UGT1A10: variants seen among roughly 807,000 people sequenced by gnomAD.
UGT1A10 encodes UDP glucuronosyltransferase family 1 member A10, also known as UDP-glucuronosyltransferase 1A10.
In UGT1A10, 49 loss-of-function variants were observed where a neutral mutation model predicts 45.8. That is an observed-to-expected ratio of 1.07 (90% CI 0.85 to 1.36). The LOEUF (loss-of-function observed/expected upper bound fraction) is 1.36. UGT1A10 is among the 40% of genes most tolerant of loss of function. The pLI, the probability that UGT1A10 is intolerant of heterozygous loss-of-function variation, is 0.00. For missense variants in UGT1A10, 745 were observed against 668.6 expected, an observed-to-expected ratio of 1.11 and a Z score of -1.26; for synonymous variants, 284 against 249.7, an observed-to-expected ratio of 1.14 and a Z score of -1.29.
At chr2:233,642,009 T>C (rs1262346779) in intron 1 of UGT1A10, among the ~76,000 whole-genome samples, 3 of 152,208 alleles carry the variant, frequency 2.0e-5, no homozygotes, top group Non-Finnish European at 4.4e-5. Flanking sequence ...ATGTGCTTGG[T>C]GTTCTCTAGC....
intron 1 of UGT1A10, chr2:233,682,432 T>C (rs1339746239): frequency 6.8e-6 from 11 of 1,613,962 alleles, no homozygotes; most frequent in South Asian, 1.1e-5. Context: ...CCCTCCCCTC[T>C]GTGGTCTTCG....
chr2:233,655,632 A>G (rs1175286248), intron 1 of UGT1A10, among the ~76,000 whole-genome samples: 2 of 148,792 alleles, frequency 1.3e-5, no homozygotes, highest in African/African-American at 5.0e-5. Flanking sequence ...AGTTTCACAG[A>G]CTCTTCTCTT....
At position 233,672,035 on chromosome 2, in the gene UGT1A10, A is replaced by G. The variant is rs369317288; in HGVS notation, c.855+34658A>G. The G allele has an allele frequency of 4.3e-6, 7 of 1,614,096 alleles. No homozygotes were observed. Among genetic ancestry groups the G allele is most frequent in the Non-Finnish European group, 5.1e-6 (6 of 1,179,998 alleles). On this transcript the variant is annotated intron_variant, in intron 1 of 4. Transcript: ENST00000344644. The stretch of plus-strand genomic sequence containing the variant: ...GGGAAGCTACTGGTAGTGCCCATGG[A>G]TGGGAGCCACTGGTTCACCATGAGG...
chr2:233,768,607 G>A (rs1227150844), intron 4 of UGT1A10, among the ~76,000 whole-genome samples, 168 bp downstream of exon 4: 1 of 99,376 alleles, frequency 1.0e-5, no homozygotes, highest in South Asian at 3.4e-4. Context: ...TTTTTTTTGA[G>A]ATGGAGTCTT....
intron 1 of UGT1A10, chr2:233,747,188 GTCAGCTGTCCGTGTCT>G: frequency 6.2e-7 from 1 of 1,603,604 alleles, no homozygotes; most frequent in Non-Finnish European, 8.5e-7. Flanking sequence ...GGGGTGGACA[GTCAGCTGTCCGTGTCT>G]TCTGCTGAGA....
At chr2:233,747,242 T>G in intron 1 of UGT1A10, 1 of 1,603,440 alleles carries the variant, frequency 6.2e-7, no homozygotes. Context: ...GTTCCCCTGC[T>G]GTGGCTGGCC....
chr2:233,659,368 C>A (rs768183090), intron 1 of UGT1A10, among the ~76,000 whole-genome samples: 17 of 152,034 alleles, frequency 1.1e-4, no homozygotes, highest in Non-Finnish European at 2.4e-4. Context: ...CCAATGAACA[C>A]ATATTTGATA....
intron 1 of UGT1A10, among the ~76,000 whole-genome samples, chr2:233,702,794 A>G (rs1318295420): frequency 6.6e-6 from 1 of 152,214 alleles, no homozygotes; most frequent in Non-Finnish European, 1.5e-5. Flanking sequence ...CGAACCTTGT[A>G]TTCCTAGAAT....
chr2:233,682,324 T>G lies in UGT1A10; in HGVS notation c.855+44947T>G, dbSNP rs17868323. On this transcript the variant is annotated intron_variant, in intron 1 of 4. Coordinates refer to ENST00000344644, the MANE Select transcript of UGT1A10 (RefSeq NM_019075.4). ...TTTCAAATTGCAGGAGTTTGTTTAA[T>G]GACCGAAAATTAGTAGAATACTTAA... 1,002,404 of 1,612,848 alleles carry G rather than the reference T, an allele frequency of 0.62. 314,252 individuals carry two copies. The highest frequency in any genetic ancestry group is 0.65 in the South Asian group (59,099 of 91,048).
At chr2:233,646,799 A>G (rs2073615007) in intron 1 of UGT1A10, among the ~76,000 whole-genome samples, 1 of 152,104 alleles carries the variant, frequency 6.6e-6, no homozygotes, top group Non-Finnish European at 1.5e-5. Flanking sequence ...TCTTCTTCTG[A>G]GCCCTCCAAA....
intron 1 of UGT1A10, among the ~76,000 whole-genome samples, chr2:233,758,061 G>A (rs554813737): frequency 6.6e-6 from 1 of 152,232 alleles, no homozygotes; most frequent in Non-Finnish European, 1.5e-5. Context: ...TTTCTAACTT[G>A]ACTTTCTGGG....
intron 1 of UGT1A10, among the ~76,000 whole-genome samples, chr2:233,687,089 T>C (rs1384683958): frequency 1.3e-5 from 2 of 152,226 alleles, no homozygotes; most frequent in African/African-American, 4.8e-5. Flanking sequence ...GTACTTCAGC[T>C]GTGACACTTG....
intron 1 of UGT1A10, among the ~76,000 whole-genome samples, chr2:233,695,496 G>A (rs2075292222): frequency 6.6e-6 from 1 of 151,498 alleles, no homozygotes; most frequent in African/African-American, 2.4e-5. Flanking sequence ...TTCTATCAAA[G>A]TTTTTGGAGT....
At chr2:233,724,302 T>G (rs1575551867) in intron 1 of UGT1A10, among the ~76,000 whole-genome samples, 1 of 123,338 alleles carries the variant, frequency 8.1e-6, no homozygotes, top group African/African-American at 3.2e-5. Context: ...CCCCCCCACC[T>G]CCCTCCCGGA....
chr2:233,754,247 A>G (rs1695429066), intron 1 of UGT1A10: 1 of 170,702 alleles, frequency 5.9e-6, no homozygotes, highest in Admixed American at 5.5e-5. Context: ...CACTTTCCCA[A>G]CGGAAAAAGG....
chr2:233,719,741 A>C, intron 1 of UGT1A10: 1 of 1,613,136 alleles, frequency 6.2e-7, no homozygotes, highest in Middle Eastern at 1.9e-4. Flanking sequence ...ACTTTTTAAA[A>C]AATGTATTTA....
chr2:233,684,115 G>T (rs1559340861), intron 1 of UGT1A10, among the ~76,000 whole-genome samples: 1 of 152,004 alleles, frequency 6.6e-6, no homozygotes, highest in East Asian at 1.9e-4. Flanking sequence ...TATTGTTCTG[G>T]CTTCTTACAA....
intron 1 of UGT1A10, among the ~76,000 whole-genome samples, chr2:233,757,539 T>TATATAC (rs762018928): frequency 5.2e-5 from 6 of 115,748 alleles, no homozygotes; most frequent in African/African-American, 1.5e-4. Flanking sequence ...GTAAGGAATA[T>TATATAC]ATATATATAT....
intron 1 of UGT1A10, among the ~76,000 whole-genome samples, chr2:233,707,538 C>CTT (rs753963758): frequency 2.1e-4 from 27 of 126,992 alleles, no homozygotes; most frequent in African/African-American, 6.9e-4. Context: ...TTTGTCTTGC[C>CTT]TTTTTTTTTT....
Sources: allele counts gnomAD v4.1 joint callset (sites outside exome capture counted in the v4.1 genomes callset), GRCh38; gene constraint gnomAD v4.1.1; transcripts MANE v1.5; gene names NCBI Gene and HGNC (gene_info 2026-07-23, HGNC 2026-07-21).